The following STEAP1B variants were observed in gnomAD, a reference collection of about 807,000 sequenced individuals.
STEAP1B encodes the protein STEAP family protein MGC87042.
In STEAP1B, 13 loss-of-function variants were observed where a neutral mutation model predicts 27.9. The ratio of observed to expected loss-of-function variants is 0.47; its 90% CI spans 0.30 to 0.74. The LOEUF is 0.74. STEAP1B is among the 30% of genes least tolerant of loss of function. STEAP1B has a pLI of 0.06. For missense variants in STEAP1B, 250 were observed against 298.7 expected, an observed-to-expected ratio of 0.84 and a Z score of 1.20; for synonymous variants, 86 against 107.1, an observed-to-expected ratio of 0.80 and a Z score of 1.22.
chr7:22,447,859 G>C (rs766445024), intron 4 of STEAP1B, among the ~76,000 whole-genome samples: 11 of 152,182 alleles, frequency 7.2e-5, no homozygotes, highest in Non-Finnish European at 1.2e-4. Context: ...ACATTTACAT[G>C]CATGACCTCA....
chr7:22,485,524 T>C (rs2128415149), intron 4 of STEAP1B, among the ~76,000 whole-genome samples: 1 of 152,360 alleles, frequency 6.6e-6, no homozygotes, highest in East Asian at 1.9e-4. Context: ...GTTCTCACTC[T>C]GTTGCTAAGG....
chr7:22,443,388 G>A (rs933619298), intron 4 of STEAP1B, among the ~76,000 whole-genome samples: 1 of 152,150 alleles, frequency 6.6e-6, no homozygotes, highest in Non-Finnish European at 1.5e-5. Flanking sequence ...AGCACCCATT[G>A]TATGCCAGGA....
At chr7:22,499,872 C>T (rs572406386) in intron 1 of STEAP1B, among the ~76,000 whole-genome samples, 1 of 152,374 alleles carries the variant, frequency 6.6e-6, no homozygotes, top group Admixed American at 6.5e-5. Context: ...CTCTGAGTCC[C>T]TGGCTCCCCC....
chr7:22,441,904 G>A (rs569551354), intron 4 of STEAP1B, among the ~76,000 whole-genome samples: 1 of 152,350 alleles, frequency 6.6e-6, no homozygotes, highest in East Asian at 1.9e-4. Flanking sequence ...ACAGGCCTCA[G>A]TAAGACTTTT....
intron 4 of STEAP1B, among the ~76,000 whole-genome samples, chr7:22,442,523 G>C (rs1369863298): frequency 6.6e-6 from 1 of 152,252 alleles, no homozygotes; most frequent in Non-Finnish European, 1.5e-5. Flanking sequence ...AAGTCTTGAA[G>C]AGCTCTTTCC....
At chr7:22,444,961 C>T (rs1785387238) in intron 4 of STEAP1B, among the ~76,000 whole-genome samples, 1 of 152,208 alleles carries the variant, frequency 6.6e-6, no homozygotes, top group African/African-American at 2.4e-5. Flanking sequence ...AGCTCTGGGT[C>T]TGTCCGCGTG....
chr7:22,488,920 G>A (rs1014226031), intron 4 of STEAP1B, among the ~76,000 whole-genome samples: 4 of 152,170 alleles, frequency 2.6e-5, no homozygotes, highest in Non-Finnish European at 5.9e-5. Flanking sequence ...AAGTCCCCAC[G>A]TAGATCAAAT....
chr7:22,430,893 C>T (rs1029175517), intron 4 of STEAP1B, among the ~76,000 whole-genome samples: 2 of 152,194 alleles, frequency 1.3e-5, no homozygotes, highest in South Asian at 2.1e-4. Context: ...GAACCCTTGG[C>T]TCTATGATTC....
At chr7:22,483,769 T>G (rs1262086557) in intron 4 of STEAP1B, among the ~76,000 whole-genome samples, 1 of 152,180 alleles carries the variant, frequency 6.6e-6, no homozygotes, top group Non-Finnish European at 1.5e-5. Flanking sequence ...CAGTGTTGGA[T>G]CTTGGAATAG....
intron 4 of STEAP1B, among the ~76,000 whole-genome samples, chr7:22,434,017 T>C (rs1371264296): frequency 1.3e-5 from 2 of 152,168 alleles, no homozygotes; most frequent in African/African-American, 4.8e-5. Flanking sequence ...GGGATGTGCA[T>C]CTGGCACCCA....
At chr7:22,427,488 G>T (rs2128399199) in intron 4 of STEAP1B, among the ~76,000 whole-genome samples, 1 of 152,312 alleles carries the variant, frequency 6.6e-6, no homozygotes, top group Middle Eastern at 3.4e-3. Flanking sequence ...GGGTGGAAAA[G>T]AATAGGTAGA....
chr7:22,444,351 C>T (rs1205004883), intron 4 of STEAP1B, among the ~76,000 whole-genome samples: 1 of 152,186 alleles, frequency 6.6e-6, no homozygotes, highest in Admixed American at 6.5e-5. Flanking sequence ...TCTTGTTTGC[C>T]TGGCTCTAGC....
intron 4 of STEAP1B, among the ~76,000 whole-genome samples, chr7:22,446,277 GCCAAGAA>G (rs1785408198): frequency 6.6e-6 from 1 of 152,246 alleles, no homozygotes; most frequent in African/African-American, 2.4e-5. Flanking sequence ...TTGGGCCAGG[GCCAAGAA>G]CCTGCATTTG....
At chr7:22,496,441 TC>T (rs1250781289) in intron 1 of STEAP1B, among the ~76,000 whole-genome samples, 1 of 152,192 alleles carries the variant, frequency 6.6e-6, no homozygotes, top group East Asian at 1.9e-4. Flanking sequence ...TACAGTAATG[TC>T]CCAGGCCTTT....
At chr7:22,492,761 G>T in intron 3 of STEAP1B, 32 bp from the exon 4 acceptor site, 1 of 1,566,890 alleles carries the variant, frequency 6.4e-7, no homozygotes, top group Non-Finnish European at 8.6e-7. Flanking sequence ...AAGAAGAAAT[G>T]CAAACAACAG....
chr7:22,436,062 C>G (rs1330283494), intron 4 of STEAP1B, among the ~76,000 whole-genome samples: 2 of 152,154 alleles, frequency 1.3e-5, no homozygotes, highest in African/African-American at 4.8e-5. Context: ...CAGGCAAATT[C>G]CTTAACATCT....
chr7:22,473,432 A>G (rs1785919723), intron 4 of STEAP1B, among the ~76,000 whole-genome samples: 1 of 152,220 alleles, frequency 6.6e-6, no homozygotes, highest in Non-Finnish European at 1.5e-5. Flanking sequence ...AAAGCACACA[A>G]GATTTTGATT....
intron 4 of STEAP1B, among the ~76,000 whole-genome samples, chr7:22,479,082 G>T (rs1027335029): frequency 2.0e-5 from 3 of 152,096 alleles, no homozygotes; most frequent in Non-Finnish European, 4.4e-5. Context: ...CGCTCCACTT[G>T]GCAATTTGAT....
intron 4 of STEAP1B, among the ~76,000 whole-genome samples, chr7:22,421,022 A>C (rs903455438): frequency 1.3e-5 from 2 of 152,260 alleles, no homozygotes; most frequent in African/African-American, 2.4e-5. Context: ...TAGAAGAATA[A>C]GAAAGTTTAA....
Sources: gnomAD v4.1 joint callset for allele counts (sites outside exome capture counted in the v4.1 genomes callset) on GRCh38, gnomAD v4.1.1 for gene constraint, MANE v1.5 for transcripts, NCBI Gene and HGNC (gene_info 2026-07-23, HGNC 2026-07-21) for gene names.